SHANK2: variants seen among roughly 807,000 people sequenced by gnomAD.
The protein encoded by SHANK2 is SH3 and multiple ankyrin repeat domains 2, also known as SH3 and multiple ankyrin repeat domains protein 2.
SHANK2 carries 43 observed loss-of-function variants against 133.7 expected under a neutral mutation model. The ratio of observed to expected loss-of-function variants is 0.32; its 90% CI spans 0.25 to 0.41. The LOEUF (loss-of-function observed/expected upper bound fraction) is 0.41. Among genes scored for constraint, SHANK2 ranks in the 10% least tolerant of loss-of-function variants. SHANK2 has a pLI of 1.00. For synonymous variants in SHANK2, 1,017 were observed against 952.8 expected (o/e 1.07, Z -1.24); for missense variants, 1,994 against 2,235.8 (o/e 0.89, Z 2.18).
intron 17 of SHANK2, among the ~76,000 whole-genome samples, chr11:70,606,438 C>T (rs1408767141): frequency 7.1e-6 from 1 of 139,908 alleles, no homozygotes; most frequent in East Asian, 2.2e-4. Flanking sequence ...TCATATGACC[C>T]GGGGGTGGGG....
At chr11:71,150,030 AAAGGAGGG>A (rs1952742513) in intron 2 of SHANK2, among the ~76,000 whole-genome samples, 1 of 7,140 alleles carries the variant, frequency 1.4e-4, no homozygotes, top group Admixed American at 1.3e-3. Flanking sequence ...GAGGGAGAGG[AAAGGAGGG>A]AGGGAGAGGA....
At chr11:70,708,682 T>C (rs1396737077) in intron 14 of SHANK2, among the ~76,000 whole-genome samples, 1 of 152,190 alleles carries the variant, frequency 6.6e-6, no homozygotes, top group African/African-American at 2.4e-5. Context: ...CCTTGGATCG[T>C]CTGCCTTGGC....
At chr11:70,760,716 T>C (rs1591821074) in intron 14 of SHANK2, among the ~76,000 whole-genome samples, 2 of 152,282 alleles carry the variant, frequency 1.3e-5, no homozygotes, top group East Asian at 3.9e-4. Context: ...CCCCTGAGCA[T>C]TGCACACCTG....
At chr11:70,563,888 TTC>T (rs1273832209) in intron 17 of SHANK2, among the ~76,000 whole-genome samples, 1 of 152,234 alleles carries the variant, frequency 6.6e-6, no homozygotes, top group African/African-American at 2.4e-5. Context: ...GTTGAAATAA[TTC>T]TGTTTGAATT....
chr11:71,137,507 G>A (rs534836643), intron 3 of SHANK2, among the ~76,000 whole-genome samples: 10 of 152,166 alleles, frequency 6.6e-5, no homozygotes, highest in East Asian at 5.8e-4. Context: ...AGATGTGACC[G>A]TGGATGCTGT....
intron 15 of SHANK2, among the ~76,000 whole-genome samples, chr11:70,666,139 C>T (rs1275833822): frequency 5.3e-5 from 8 of 152,118 alleles, no homozygotes; most frequent in African/African-American, 1.9e-4. Context: ...CAGAACAATC[C>T]CTGGATTCCT....
intron 6 of SHANK2, among the ~76,000 whole-genome samples, chr11:71,102,589 G>T (rs545696651): frequency 6.6e-6 from 1 of 152,344 alleles, no homozygotes; most frequent in Non-Finnish European, 1.5e-5. Context: ...ACTCACTGTG[G>T]AGAGGCTAAA....
intron 2 of SHANK2, among the ~76,000 whole-genome samples, chr11:71,210,065 A>G (rs1168513816): frequency 2.0e-5 from 3 of 151,236 alleles, no homozygotes; most frequent in African/African-American, 7.3e-5. Context: ...GAAGAACAGA[A>G]GCTTTCGATC....
intron 2 of SHANK2, among the ~76,000 whole-genome samples, chr11:71,172,607 A>AAG (rs1256980819): frequency 6.6e-6 from 1 of 151,228 alleles, no homozygotes; most frequent in Non-Finnish European, 1.5e-5. Flanking sequence ...CAAAAAAAAA[A>AAG]AAAAAGAAAA....
At chr11:70,533,763 C>T (rs965083028) in intron 17 of SHANK2, among the ~76,000 whole-genome samples, 8 of 152,078 alleles carry the variant, frequency 5.3e-5, no homozygotes, top group Non-Finnish European at 7.3e-5. Flanking sequence ...AAGGAAACCC[C>T]CTACCCATTA....
intron 12 of SHANK2, among the ~76,000 whole-genome samples, chr11:70,812,788 A>G (rs1948306554): frequency 6.6e-6 from 1 of 152,228 alleles, no homozygotes; most frequent in Admixed American, 6.5e-5. Context: ...AAGTTCCTGC[A>G]TCCCAAACTG....
chr11:70,587,539 C>T (rs2060269956), intron 17 of SHANK2, among the ~76,000 whole-genome samples: 1 of 152,054 alleles, frequency 6.6e-6, no homozygotes, highest in South Asian at 2.1e-4. Flanking sequence ...GGGTAGGTTA[C>T]AAAATGGTAT....
At chr11:71,228,879 T>C (rs1288910563) in intron 1 of SHANK2, among the ~76,000 whole-genome samples, 2 of 152,158 alleles carry the variant, frequency 1.3e-5, no homozygotes, top group Non-Finnish European at 2.9e-5. Context: ...TTCAGCAATA[T>C]ATCAAAAGAA....
chr11:70,615,109 A>C (rs1452938024), intron 17 of SHANK2, among the ~76,000 whole-genome samples: 1 of 152,146 alleles, frequency 6.6e-6, no homozygotes, highest in Non-Finnish European at 1.5e-5. Flanking sequence ...GCAGAGGGGG[A>C]TCATGAACTC....
At chr11:71,149,505 C>T (rs2135413440) in intron 2 of SHANK2, among the ~76,000 whole-genome samples, 1 of 152,274 alleles carries the variant, frequency 6.6e-6, no homozygotes, top group South Asian at 2.1e-4. Context: ...GCTGTAGGCA[C>T]TTTTTCAGAC....
At chr11:71,063,490 G>A in intron 9 of SHANK2, among the ~76,000 whole-genome samples, 1 of 152,332 alleles carries the variant, frequency 6.6e-6, no homozygotes, top group East Asian at 1.9e-4. Flanking sequence ...GCTCCTTCTG[G>A]TTTAACTCTC....
chr11:70,662,458 C>T (rs553451167), intron 15 of SHANK2, among the ~76,000 whole-genome samples: 156 of 152,260 alleles, frequency 1.0e-3, no homozygotes, highest in African/African-American at 3.2e-3. Flanking sequence ...TGCATCCCCC[C>T]CTCCAGCGTC....
At chr11:71,140,296 T>C (rs1952530394) in intron 3 of SHANK2, among the ~76,000 whole-genome samples, 1 of 152,216 alleles carries the variant, frequency 6.6e-6, no homozygotes, top group African/African-American at 2.4e-5. Flanking sequence ...GGCCCTGGCT[T>C]TCACGAGGAG....
chr11:70,814,746 C>T (rs73532014), intron 12 of SHANK2, among the ~76,000 whole-genome samples: 2,493 of 152,342 alleles, frequency 0.016, 73 homozygotes, highest in African/African-American at 0.056. Flanking sequence ...CATTCATCTC[C>T]ACCAACTGAA....
Sources: allele counts gnomAD v4.1 joint callset (sites outside exome capture counted in the v4.1 genomes callset), GRCh38; gene constraint gnomAD v4.1.1; transcripts MANE v1.5; gene names NCBI Gene and HGNC (gene_info 2026-07-23, HGNC 2026-07-21).